ARSJ: variants seen among roughly 807,000 people sequenced by gnomAD.
ARSJ encodes arylsulfatase J.
In ARSJ, 26 loss-of-function variants were observed where a neutral mutation model predicts 35.9. That is an observed-to-expected ratio of 0.72 (90% CI 0.53 to 1.00). The LOEUF (loss-of-function observed/expected upper bound fraction) is 1.00, where lower values mean the gene tolerates loss of function less well. Among genes scored for constraint, ARSJ ranks in the 50% least tolerant of loss-of-function variants. ARSJ has a pLI of 0.00. For missense variants in ARSJ, 667 were observed against 723.6 expected (o/e 0.92, Z 0.90); for synonymous variants, 294 against 267.6 (o/e 1.10, Z -0.96).
intron 1 of ARSJ, among the ~76,000 whole-genome samples, chr4:113,977,440 C>A (rs1340231405): frequency 6.6e-6 from 1 of 152,164 alleles, no homozygotes; most frequent in Non-Finnish European, 1.5e-5. Flanking sequence ...ATACTGGCTA[C>A]TTTTATAGGA....
At chr4:113,964,236 C>A (rs1726749507) in intron 1 of ARSJ, among the ~76,000 whole-genome samples, 1 of 151,934 alleles carries the variant, frequency 6.6e-6, no homozygotes. Context: ...TGATGAAAAC[C>A]AGATAAAATT....
chr4:113,920,175 C>T (rs1196049719), intron 1 of ARSJ, among the ~76,000 whole-genome samples: 1 of 152,092 alleles, frequency 6.6e-6, no homozygotes, highest in Non-Finnish European at 1.5e-5. Context: ...TGTAATTGTT[C>T]TCTAACTCTT....
At chr4:113,958,151 T>C (rs1726304543) in intron 1 of ARSJ, among the ~76,000 whole-genome samples, 1 of 152,066 alleles carries the variant, frequency 6.6e-6, no homozygotes, top group South Asian at 2.1e-4. Flanking sequence ...GGAGCCTCTA[T>C]TTCCTCTTAC....
intron 1 of ARSJ, among the ~76,000 whole-genome samples, chr4:113,905,799 C>T (rs1218897632): frequency 6.7e-6 from 1 of 150,106 alleles, no homozygotes; most frequent in South Asian, 2.1e-4. Context: ...ACCCGAGTAG[C>T]TGGAATTACA....
At chr4:113,912,502 G>GA (rs200856962) in intron 1 of ARSJ, among the ~76,000 whole-genome samples, 2,391 of 150,328 alleles carry the variant, frequency 0.016, 63 homozygotes, top group African/African-American at 0.054. Context: ...TATATAGATG[G>GA]AAAAAAAAAG....
intron 1 of ARSJ, among the ~76,000 whole-genome samples, chr4:113,908,969 ATTGT>A: frequency 6.6e-6 from 1 of 152,054 alleles, no homozygotes; most frequent in Non-Finnish European, 1.5e-5. Flanking sequence ...ATCTCTTCTA[ATTGT>A]TTAGAAGAGA....
At chr4:113,958,940 G>T (rs1726368080) in intron 1 of ARSJ, among the ~76,000 whole-genome samples, 1 of 151,766 alleles carries the variant, frequency 6.6e-6, no homozygotes, top group Non-Finnish European at 1.5e-5. Flanking sequence ...CCGCACGCAG[G>T]CTACACCCAC....
Position 113,950,764 on chromosome 4 carries a change from T to G in ARSJ, c.398+27673A>C, listed in dbSNP as rs78651867. ...TCTTTATTTTTATAGCTATTAAGTC[T>G]TGCACATTAAGAGCGTATGCTTTCC... On this transcript the variant is annotated intron_variant, in intron 1 of 1. Transcript: ENST00000315366. Among the ~76,000 whole-genome samples the G allele has an allele frequency of 5.5e-3, 835 of 152,226 alleles. 9 individuals carry two copies. Among genetic ancestry groups the G allele is most frequent in the African/African-American group, 0.019 (806 of 41,572 alleles).
intron 1 of ARSJ, among the ~76,000 whole-genome samples, chr4:113,952,726 T>A (rs1313015163): frequency 6.6e-6 from 1 of 152,050 alleles, no homozygotes; most frequent in African/African-American, 2.4e-5. Flanking sequence ...GCTAAACCTC[T>A]GTAGAAGAGG....
chr4:113,948,720 A>G (rs1725662851), intron 1 of ARSJ, among the ~76,000 whole-genome samples: 1 of 152,156 alleles, frequency 6.6e-6, no homozygotes, highest in Non-Finnish European at 1.5e-5. Context: ...CCTAACAATT[A>G]TATTAGTGCA....
At chr4:113,957,883 T>C (rs1726285897) in intron 1 of ARSJ, among the ~76,000 whole-genome samples, 2 of 152,052 alleles carry the variant, frequency 1.3e-5, no homozygotes, top group Admixed American at 6.6e-5. Context: ...CACACACACC[T>C]TCTGAGACCA....
At chr4:113,910,172 T>C (rs1178397413) in intron 1 of ARSJ, among the ~76,000 whole-genome samples, 2 of 152,200 alleles carry the variant, frequency 1.3e-5, no homozygotes, top group African/African-American at 4.8e-5. Context: ...ATTCTCACTT[T>C]ACTGCCAACT....
At chr4:113,907,525 G>GA (rs1217630028) in intron 1 of ARSJ, among the ~76,000 whole-genome samples, 1 of 96,328 alleles carries the variant, frequency 1.0e-5, no homozygotes, top group Non-Finnish European at 2.8e-5. Context: ...AATATAATAT[G>GA]AAAATTTTTT....
intron 1 of ARSJ, among the ~76,000 whole-genome samples, chr4:113,942,331 T>C (rs1355844516): frequency 6.6e-6 from 1 of 152,038 alleles, no homozygotes; most frequent in East Asian, 1.9e-4. Flanking sequence ...AGCCCAATGA[T>C]ATAATCCTAC....
At position 113,972,305 on chromosome 4, in the gene ARSJ, AAC is replaced by A. The variant is rs1491071897; in HGVS notation, c.398+6130_398+6131del. ...AAGAGATGATCTGGAAAAAAAAAAA[AAC>A]AAAAAAAAAAACCCCACCATGATTT... On this transcript the variant is annotated intron_variant, in intron 1 of 1. Transcript: ENST00000315366. Among the ~76,000 whole-genome samples the A allele has an allele frequency of 6.8e-4, 91 of 133,672 alleles. 1 individual carries two copies. The highest frequency in any genetic ancestry group is 2.4e-3 in the African/African-American group (86 of 35,632). The allele number at this position is 133,672 out of a possible 152,430, so 87.7% of individuals were successfully genotyped here. A position where few individuals can be genotyped will look rare whatever the true frequency, so the allele number is the denominator to read the frequency against.
chr4:113,956,887 G>A (rs750672532), intron 1 of ARSJ, among the ~76,000 whole-genome samples: 2 of 151,988 alleles, frequency 1.3e-5, no homozygotes, highest in Non-Finnish European at 2.9e-5. Flanking sequence ...AGGCTCCAGG[G>A]TGCCAACAGC....
At chr4:113,975,089 A>G (rs1727510728) in intron 1 of ARSJ, among the ~76,000 whole-genome samples, 1 of 152,164 alleles carries the variant, frequency 6.6e-6, no homozygotes, top group African/African-American at 2.4e-5. Context: ...CATTTGTATA[A>G]AGTTCAAAAC....
At chr4:113,961,142 C>T (rs1156928130) in intron 1 of ARSJ, among the ~76,000 whole-genome samples, 1 of 151,882 alleles carries the variant, frequency 6.6e-6, no homozygotes, top group African/African-American at 2.4e-5. Context: ...GAAGTGACAC[C>T]CACACTCTGA....
intron 1 of ARSJ, among the ~76,000 whole-genome samples, chr4:113,962,798 T>G (rs1036893641): frequency 2.0e-5 from 3 of 152,066 alleles, no homozygotes; most frequent in Non-Finnish European, 4.4e-5. Flanking sequence ...AGCTTCCCAG[T>G]GGATCCCATT....
Sources: gnomAD v4.1 joint callset for allele counts (sites outside exome capture counted in the v4.1 genomes callset) on GRCh38, gnomAD v4.1.1 for gene constraint, MANE v1.5 for transcripts, NCBI Gene and HGNC (gene_info 2026-07-23, HGNC 2026-07-21) for gene names.